Variants in CLVS2 observed in about 807,000 individuals in gnomAD.
CLVS2 encodes clavesin-2.
CLVS2 carries 19 observed loss-of-function variants against 29.0 expected under a neutral mutation model. The observed-to-expected ratio is 0.66, with a 90% CI of 0.46 to 0.96. The LOEUF is 0.96. Among genes scored for constraint, CLVS2 ranks in the 40% least tolerant of loss-of-function variants. The pLI, the probability that CLVS2 is intolerant of heterozygous loss-of-function variation, is 0.00. For synonymous variants in CLVS2, 161 were observed against 151.3 expected (o/e 1.06, Z -0.47); for missense variants, 294 against 404.1 (o/e 0.73, Z 2.34).
chr6:123,038,696 T>C (rs1421461342), intron 3 of CLVS2, among the ~76,000 whole-genome samples: 1 of 152,148 alleles, frequency 6.6e-6, no homozygotes, highest in Non-Finnish European at 1.5e-5. Context: ...ATATTGTATA[T>C]TGATTTTTTT....
At chr6:123,037,385 A>G (rs1341568450) in intron 3 of CLVS2, among the ~76,000 whole-genome samples, 1 of 152,228 alleles carries the variant, frequency 6.6e-6, no homozygotes, top group Non-Finnish European at 1.5e-5. Context: ...TATGACTCAG[A>G]TTTGGGCTCT....
chr6:123,007,608 G>A (rs1203420306), intron 2 of CLVS2, among the ~76,000 whole-genome samples: 1 of 152,126 alleles, frequency 6.6e-6, no homozygotes, highest in Non-Finnish European at 1.5e-5. Context: ...TGCTCCATAT[G>A]TTTTTTATGT....
intron 3 of CLVS2, among the ~76,000 whole-genome samples, chr6:123,042,867 A>G (rs1270459383): frequency 6.6e-6 from 1 of 152,144 alleles, no homozygotes; most frequent in Non-Finnish European, 1.5e-5. Flanking sequence ...CAGCTAATAC[A>G]ACATTCTAAA....
At chr6:123,012,990 C>A (rs1388525257) in intron 3 of CLVS2, among the ~76,000 whole-genome samples, 1 of 151,970 alleles carries the variant, frequency 6.6e-6, no homozygotes, top group Non-Finnish European at 1.5e-5. Flanking sequence ...ATAATTACAT[C>A]TATACCTATG....
intron 2 of CLVS2, among the ~76,000 whole-genome samples, chr6:123,007,829 C>T (rs1369541757): frequency 6.6e-6 from 1 of 152,130 alleles, no homozygotes; most frequent in Non-Finnish European, 1.5e-5. Context: ...AGCTTTCTTT[C>T]AGCATACAAG....
chr6:123,049,813 G>GC (rs1554203181), intron 4 of CLVS2, among the ~76,000 whole-genome samples: 2 of 151,044 alleles, frequency 1.3e-5, no homozygotes, highest in Non-Finnish European at 3.0e-5. Flanking sequence ...ATGGGGGGCG[G>GC]GGAGGAATAG....
Position 123,065,184 on chromosome 6 carries a change from A to G in CLVS2, c.*1423A>G, listed in dbSNP as rs377041141. ...TAACATTTTATTTCATAAAATTTATACAATTACAGCAAATCTTAATTTTTT... is the reference window on the plus strand; with the variant it reads ...TAACATTTTATTTCATAAAATTTATGCAATTACAGCAAATCTTAATTTTTT... On this transcript the variant is annotated 3_prime_UTR_variant, in exon 6 of 6. Coordinates refer to ENST00000275162, the MANE Select transcript of CLVS2 (RefSeq NM_001010852.4). 4.1e-4 allele frequency: 62 copies of G among 152,010 alleles called. 2 individuals are homozygous for G. In the East Asian group the frequency reaches 0.01, roughly 25 times the overall value. 9.4% of individuals were successfully genotyped at this position (152,010 alleles called of 1,614,324 possible).
intron 3 of CLVS2, among the ~76,000 whole-genome samples, chr6:123,038,830 C>G (rs531467905): frequency 6.6e-6 from 1 of 152,044 alleles, no homozygotes; most frequent in Admixed American, 6.6e-5. Flanking sequence ...CAACATTTTT[C>G]CTAATTACAA....
chr6:123,029,826 T>C lies in CLVS2; in HGVS notation c.564+18667T>C, dbSNP rs544540683. 9.1e-4 allele frequency among the ~76,000 whole-genome samples: 138 copies of C among 152,274 alleles called. 1 individual carries two copies. The highest frequency in any genetic ancestry group is 3.0e-3 in the African/African-American group (126 of 41,552). ...TTCACTTTAAGTATGTCAGCAGCCA[T>C]ATTTCTTACAAATACTGCCTGATGA... is the stretch of plus-strand genomic sequence containing the variant. On this transcript the variant is annotated intron_variant, in intron 3 of 5. Coordinates refer to ENST00000275162, the MANE Select transcript of CLVS2 (RefSeq NM_001010852.4).
chr6:123,042,925 A>AC (rs1372516310), intron 3 of CLVS2, among the ~76,000 whole-genome samples: 2 of 152,086 alleles, frequency 1.3e-5, no homozygotes, highest in Admixed American at 6.6e-5. Flanking sequence ...TAGAAAAGAC[A>AC]CCCCCAAAAG....
chr6:123,007,127 A>C (rs1354188144), intron 2 of CLVS2, among the ~76,000 whole-genome samples: 2 of 152,202 alleles, frequency 1.3e-5, no homozygotes, highest in Non-Finnish European at 2.9e-5. Flanking sequence ...TATGAAGTTA[A>C]GATTAAGTGG....
In CLVS2 at chr6:123,063,740, A is replaced by G. The variant is rs754286112; in HGVS notation, c.963A>G (p.Gln321=). Residue 321 remains glutamine, a synonymous_variant, in exon 6 of 6, where the codon CAA becomes CAG. Transcript: ENST00000275162. The part of the protein sequence containing the change: ...RMDKNEEENM[Q]PLLSLD ...ATAAAAATGAGGAAGAAAACATGCA[A>G]CCATTGCTTTCTCTGGACTAATAAC... The G allele has an allele frequency of 1.7e-5, 27 of 1,609,410 alleles. No homozygotes were observed. The South Asian group carries it at 2.6e-4, about 16-fold the overall frequency.
intron 5 of CLVS2, among the ~76,000 whole-genome samples, chr6:123,056,942 A>G (rs1772700410): frequency 6.6e-6 from 1 of 152,298 alleles, no homozygotes; most frequent in Non-Finnish European, 1.5e-5. Context: ...GAGTCCAAAT[A>G]CCTGCTTTGA....
chr6:123,063,781 TC>T lies in CLVS2; in HGVS notation c.*21del, dbSNP rs755204197. On this transcript the variant is annotated 3_prime_UTR_variant, in exon 6 of 6. Transcript: ENST00000275162. ...GACTAATAACTTCTCTACATCCCCT[TC>T]ATGGATTAGAAATGGAAAGTATTGG... The T allele has an allele frequency of 4.0e-6, 6 of 1,500,802 alleles. No homozygotes were observed. The highest frequency in any genetic ancestry group is 5.6e-6 in the Non-Finnish European group (6 of 1,077,896). The allele number at this position is 1,500,802 out of a possible 1,614,324, so 93.0% of individuals were successfully genotyped here.
intron 4 of CLVS2, among the ~76,000 whole-genome samples, chr6:123,049,805 G>GGC (rs1491173355): frequency 1.2e-4 from 7 of 58,470 alleles, no homozygotes; most frequent in East Asian, 2.9e-4. Context: ...GTTGTGGGAT[G>GGC]GGGGGCGGGG....
At position 123,072,744 on chromosome 6, in the gene CLVS2, T is replaced by C. The variant is rs563869727; in HGVS notation, c.*8983T>C. Reference sequence around the variant, plus strand: ...TAAGGGTATGTTCCTTGGTAAATTGTGTTAATTATGTCCACTTTATAATGG... The same window carrying C: ...TAAGGGTATGTTCCTTGGTAAATTGCGTTAATTATGTCCACTTTATAATGG... On this transcript the variant is annotated 3_prime_UTR_variant, in exon 6 of 6. Coordinates refer to ENST00000275162, the MANE Select transcript of CLVS2 (RefSeq NM_001010852.4). 9.2e-5 allele frequency: 14 copies of C among 152,248 alleles called. No homozygotes were observed. Among genetic ancestry groups the C allele is most frequent in the African/African-American group, 3.4e-4 (14 of 41,568 alleles). 9.4% of individuals were successfully genotyped at this position (152,248 alleles called of 1,614,324 possible).
intron 3 of CLVS2, among the ~76,000 whole-genome samples, chr6:123,025,376 A>T (rs1230801933): frequency 6.6e-6 from 1 of 152,172 alleles, no homozygotes; most frequent in Non-Finnish European, 1.5e-5. Context: ...TTGGTTGGGA[A>T]AAATGCATTG....
intron 3 of CLVS2, among the ~76,000 whole-genome samples, chr6:123,044,038 T>G (rs141082492): frequency 3.4e-4 from 52 of 152,354 alleles, no homozygotes; most frequent in African/African-American, 1.2e-3. Context: ...ATTGAAGCAT[T>G]GAGGCAAGTC....
rs944178967 is a variant in CLVS2 at position 123,070,465 on chromosome 6, T to C, written c.*6704T>C. On this transcript the variant is annotated 3_prime_UTR_variant, in exon 6 of 6. Transcript: ENST00000275162. ...TCTTCAACATTTTCCATCTGGAATATTTTAATAATCTAAAAACTAGTCTTC... is the reference window on the plus strand; with the variant it reads ...TCTTCAACATTTTCCATCTGGAATACTTTAATAATCTAAAAACTAGTCTTC... The C allele has an allele frequency of 6.6e-6, 1 of 152,034 alleles. No individual in the cohort carries two copies. The highest frequency in any genetic ancestry group is 1.5e-5 in the Non-Finnish European group (1 of 67,936). The allele number at this position is 152,034 out of a possible 1,614,324, so 9.4% of individuals were successfully genotyped here.
Sources: gnomAD v4.1 joint callset for allele counts (sites outside exome capture counted in the v4.1 genomes callset) on GRCh38, gnomAD v4.1.1 for gene constraint, MANE v1.5 for transcripts, NCBI Gene and HGNC (gene_info 2026-07-23, HGNC 2026-07-21) for gene names.